Variants in PARD3 observed in about 807,000 individuals in gnomAD.
The protein encoded by PARD3 is par-3 family cell polarity regulator.
A neutral mutation model predicts 155.4 loss-of-function variants in PARD3; 75 were observed. The ratio of observed to expected loss-of-function variants is 0.48; its 90% CI spans 0.40 to 0.58. The LOEUF (loss-of-function observed/expected upper bound fraction) is 0.58. Ranked by LOEUF, PARD3 falls within the 20% of genes least tolerant of loss-of-function variation. PARD3 has a pLI of 0.00. For missense variants in PARD3, 1,642 were observed against 1,721.7 expected, an observed-to-expected ratio of 0.95 and a Z score of 0.82; for synonymous variants, 576 against 610.5, an observed-to-expected ratio of 0.94 and a Z score of 0.83.
At chr10:34,457,357 T>C (rs1200540065) in intron 4 of PARD3, among the ~76,000 whole-genome samples, 2 of 152,204 alleles carry the variant, frequency 1.3e-5, no homozygotes, top group African/African-American at 4.8e-5. Flanking sequence ...GATGCTCGTT[T>C]GAACCAATTT....
intron 1 of PARD3, among the ~76,000 whole-genome samples, chr10:34,803,250 T>TAAATAAATA (rs112366679): frequency 2.0e-5 from 3 of 147,070 alleles, no homozygotes; most frequent in African/African-American, 7.5e-5. Context: ...AAAAAATAAA[T>TAAATAAATA]AATAACAAAA....
chr10:34,740,598 A>C (rs2094991937), intron 1 of PARD3, among the ~76,000 whole-genome samples: 2 of 149,422 alleles, frequency 1.3e-5, no homozygotes, highest in Admixed American at 6.7e-5. Context: ...CACTCCTCCT[A>C]CCTGTCAGCT....
intron 2 of PARD3, among the ~76,000 whole-genome samples, chr10:34,522,591 T>A (rs2082214606): frequency 6.6e-6 from 1 of 151,998 alleles, no homozygotes; most frequent in Admixed American, 6.6e-5. Context: ...GTTTCAAGAG[T>A]AAAGAAGACA....
chr10:34,665,362 C>CA (rs998562050), intron 2 of PARD3, among the ~76,000 whole-genome samples: 14 of 64,602 alleles, frequency 2.2e-4, no homozygotes, highest in African/African-American at 6.0e-4. Context: ...AAAAAACAAA[C>CA]AAAAAAAAAT....
At chr10:34,284,766 G>T (rs1956307190) in intron 20 of PARD3, among the ~76,000 whole-genome samples, 2 of 152,146 alleles carry the variant, frequency 1.3e-5, no homozygotes, top group South Asian at 4.1e-4. Context: ...AAGTACAACA[G>T]ATCATTTACA....
At chr10:34,509,801 CA>C (rs201804245) in intron 3 of PARD3, among the ~76,000 whole-genome samples, 1 of 150,336 alleles carries the variant, frequency 6.7e-6, no homozygotes, top group African/African-American at 2.4e-5. Flanking sequence ...GACAAAACAA[CA>C]AAAAAAAAGC....
intron 2 of PARD3, among the ~76,000 whole-genome samples, chr10:34,650,207 G>A (rs567387720): frequency 8.5e-5 from 13 of 152,294 alleles, no homozygotes; most frequent in East Asian, 3.9e-4. Flanking sequence ...ACCATGCACC[G>A]TGCACAACTG....
intron 22 of PARD3, among the ~76,000 whole-genome samples, chr10:34,256,835 T>C (rs565491434): frequency 6.6e-6 from 1 of 152,314 alleles, no homozygotes; most frequent in South Asian, 2.1e-4. Context: ...CAATGTGAAA[T>C]GCATATTCAA....
At chr10:34,201,882 A>G (rs1382679380) in intron 22 of PARD3, 1 of 152,234 alleles carries the variant, frequency 6.6e-6, no homozygotes, top group African/African-American at 2.4e-5. Context: ...GGGAGGAAAC[A>G]CTGAATGACA....
chr10:34,679,239 G>A (rs920023267), intron 2 of PARD3, among the ~76,000 whole-genome samples: 1 of 152,124 alleles, frequency 6.6e-6, no homozygotes, highest in Non-Finnish European at 1.5e-5. Context: ...GACGGCATCC[G>A]GCAGTGTGGA....
chr10:34,163,251 G>A (rs59441263), intron 22 of PARD3, among the ~76,000 whole-genome samples: 10,851 of 152,122 alleles, frequency 0.071, 1,002 homozygotes, highest in East Asian at 0.3. Context: ...CTCCACAGCC[G>A]GTGGGGGGGA....
In PARD3 at chr10:34,292,205, C is replaced by T. The variant is rs1956706658; in HGVS notation, c.3066-7960G>A. On this transcript the variant is annotated intron_variant, in intron 20 of 24. Transcript: ENST00000374788. Reference sequence around the variant, plus strand: ...CAAGGAATTCACTGCATGCAGTTATCATTTGTAATGACATGCTCATGGATT... The same window carrying T: ...CAAGGAATTCACTGCATGCAGTTATTATTTGTAATGACATGCTCATGGATT... Among the ~76,000 whole-genome samples, 3 of 152,212 alleles carry T rather than the reference C, an allele frequency of 2.0e-5. No homozygotes were observed. In the South Asian group the frequency reaches 6.2e-4, roughly 32 times the overall value.
chr10:34,204,418 G>T (rs1951367807), intron 22 of PARD3, among the ~76,000 whole-genome samples: 1 of 152,166 alleles, frequency 6.6e-6, no homozygotes, highest in Non-Finnish European at 1.5e-5. Context: ...GGCTGGGTAG[G>T]AAAACCACAA....
At chr10:34,787,964 T>G (rs1196176042) in intron 1 of PARD3, among the ~76,000 whole-genome samples, 1 of 151,034 alleles carries the variant, frequency 6.6e-6, no homozygotes, top group African/African-American at 2.4e-5. Context: ...TTTTTTTTTT[T>G]GTAGAGACAG....
intron 2 of PARD3, among the ~76,000 whole-genome samples, chr10:34,520,610 G>T (rs531699100): frequency 2.0e-5 from 3 of 152,210 alleles, no homozygotes; most frequent in African/African-American, 7.2e-5. Flanking sequence ...AATATTTTTG[G>T]AGCTGTGGCC....
chr10:34,381,776 T>C (rs1001635250), intron 9 of PARD3, among the ~76,000 whole-genome samples: 1 of 150,588 alleles, frequency 6.6e-6, no homozygotes, highest in African/African-American at 2.4e-5. Context: ...AACAAAAAAT[T>C]TGTAAATGAG....
chr10:34,725,525 T>C (rs1182900488), intron 1 of PARD3, among the ~76,000 whole-genome samples: 3 of 152,202 alleles, frequency 2.0e-5, no homozygotes, highest in Non-Finnish European at 2.9e-5. Flanking sequence ...GTTGCCATTC[T>C]GATAAGCCAG....
At chr10:34,629,484 A>T (rs2092153073) in intron 2 of PARD3, among the ~76,000 whole-genome samples, 1 of 152,222 alleles carries the variant, frequency 6.6e-6, no homozygotes, top group South Asian at 2.1e-4. Flanking sequence ...CGTTAAGGTC[A>T]ATGAATCCAG....
chr10:34,736,642 A>AT (rs1413474521), intron 1 of PARD3, among the ~76,000 whole-genome samples: 4,083 of 114,736 alleles, frequency 0.036, 172 homozygotes, highest in African/African-American at 0.13. Context: ...AGGTTACTTT[A>AT]TTAATTAATT....
Sources: gnomAD v4.1 joint callset for allele counts (sites outside exome capture counted in the v4.1 genomes callset) on GRCh38, gnomAD v4.1.1 for gene constraint, MANE v1.5 for transcripts, NCBI Gene and HGNC (gene_info 2026-07-23, HGNC 2026-07-21) for gene names.